TENM3: variants seen among roughly 807,000 people sequenced by gnomAD.
TENM3 encodes teneurin transmembrane protein 3.
A neutral mutation model predicts 255.1 loss-of-function variants in TENM3; 63 were observed. The observed-to-expected ratio is 0.25, with a 90% CI of 0.20 to 0.30. TENM3 has a LOEUF of 0.30. Ranked by LOEUF, TENM3 falls within the 10% of genes least tolerant of loss-of-function variation. TENM3 has a pLI of 1.00. For missense variants in TENM3, 2,929 were observed against 3,461.1 expected (o/e 0.85, Z 3.86); for synonymous variants, 1,306 against 1,322.3 (o/e 0.99, Z 0.27).
the TENM3 span, among the ~76,000 whole-genome samples, chr4:182,020,163 G>A: frequency 0.28 from 42,515 of 151,622 alleles, 6,435 homozygotes; most frequent in Admixed American, 0.36. Flanking sequence ...TCAGGAGTTC[G>A]AGACCAGTCT....
intron 2 of TENM3, among the ~76,000 whole-genome samples, chr4:182,325,235 T>C (rs1311251569): frequency 2.0e-5 from 3 of 152,244 alleles, no homozygotes; most frequent in Non-Finnish European, 2.9e-5. Context: ...AACAGTCTGA[T>C]ATTGGGCAGG....
chr4:182,445,789 T>A (rs1474984764), intron 3 of TENM3, among the ~76,000 whole-genome samples: 1 of 152,172 alleles, frequency 6.6e-6, no homozygotes, highest in African/African-American at 2.4e-5. Context: ...CAACATAAAA[T>A]AGCCACATAA....
At chr4:182,062,377 C>A in the TENM3 span, among the ~76,000 whole-genome samples, 1 of 152,184 alleles carries the variant, frequency 6.6e-6, no homozygotes, top group Admixed American at 6.5e-5. Context: ...GTGAAATGTC[C>A]ATATCTTCTC....
chr4:181,750,442 C>G, the TENM3 span, among the ~76,000 whole-genome samples: 1 of 152,074 alleles, frequency 6.6e-6, no homozygotes, highest in African/African-American at 2.4e-5. Flanking sequence ...CCCTTTTTAG[C>G]CCTTTCTTCT....
the TENM3 span, among the ~76,000 whole-genome samples, chr4:181,533,513 A>G: frequency 6.6e-6 from 1 of 151,952 alleles, no homozygotes; most frequent in African/African-American, 2.4e-5. Context: ...TTGGTTTTCT[A>G]GGTAATAGGC....
At chr4:182,113,005 C>A in the TENM3 span, among the ~76,000 whole-genome samples, 1 of 152,178 alleles carries the variant, frequency 6.6e-6, no homozygotes, top group African/African-American at 2.4e-5. Flanking sequence ...TATTGGCCCT[C>A]CTCATCTGCA....
At chr4:181,502,820 G>A in the TENM3 span, among the ~76,000 whole-genome samples, 1 of 152,166 alleles carries the variant, frequency 6.6e-6, no homozygotes, top group Non-Finnish European at 1.5e-5. Context: ...CCAGCGTCAG[G>A]TAGGTGGCCT....
In TENM3 at chr4:182,417,944, T is replaced by G. The variant is rs115366317; in HGVS notation, c.511+71015T>G. On this transcript the variant is annotated intron_variant, in intron 3 of 27. Coordinates refer to ENST00000511685, the MANE Select transcript of TENM3 (RefSeq NM_001080477.4). The stretch of plus-strand genomic sequence containing the variant: ...GAAGATTTACATTTCAAAAGTTGAA[T>G]TTATGTCTGAAGATTTATGTGTACG... 8.0e-3 allele frequency among the ~76,000 whole-genome samples: 1,225 copies of G among 152,316 alleles called. 15 individuals carry two copies. The highest frequency in any genetic ancestry group is 0.028 in the African/African-American group (1,162 of 41,580).
chr4:182,623,780 C>T (rs1025441797), intron 4 of TENM3, among the ~76,000 whole-genome samples: 1 of 152,160 alleles, frequency 6.6e-6, no homozygotes, highest in East Asian at 1.9e-4. Context: ...TTTTCATGCT[C>T]TCTGTCTTTT....
chr4:181,468,166 C>T, the TENM3 span, among the ~76,000 whole-genome samples: 9 of 148,624 alleles, frequency 6.1e-5, no homozygotes, highest in African/African-American at 1.2e-4. Flanking sequence ...GTGGCGCATG[C>T]CTGCGGTTCC....
chr4:182,381,820 C>G (rs1244931496), intron 3 of TENM3, among the ~76,000 whole-genome samples: 5 of 152,200 alleles, frequency 3.3e-5, no homozygotes, highest in African/African-American at 9.6e-5. Context: ...ATCGGCCTCC[C>G]AAAGTGCTGG....
chr4:182,683,462 T>C (rs1177000647), intron 11 of TENM3, among the ~76,000 whole-genome samples: 2 of 152,174 alleles, frequency 1.3e-5, no homozygotes, highest in Non-Finnish European at 2.9e-5. Flanking sequence ...GCTCCAGGGG[T>C]ATTTATTCTG....
chr4:181,920,515 G>T, the TENM3 span, among the ~76,000 whole-genome samples: 2 of 152,112 alleles, frequency 1.3e-5, no homozygotes, highest in African/African-American at 4.8e-5. Context: ...TGTGTTTTTT[G>T]GCTGCATAAA....
At chr4:182,778,743 T>A (rs973915898) in intron 24 of TENM3, among the ~76,000 whole-genome samples, 2 of 150,742 alleles carry the variant, frequency 1.3e-5, no homozygotes, top group Non-Finnish European at 3.0e-5. Context: ...ACATGATCTT[T>A]GAAAATGGAG....
intron 6 of TENM3, among the ~76,000 whole-genome samples, chr4:182,668,001 C>A (rs1024935433): frequency 2.6e-5 from 4 of 151,986 alleles, no homozygotes. Context: ...GAAAAGCATT[C>A]TTTGACAGTA....
intron 3 of TENM3, among the ~76,000 whole-genome samples, chr4:182,590,133 A>G (rs1012102277): frequency 6.6e-6 from 1 of 152,154 alleles, no homozygotes; most frequent in Non-Finnish European, 1.5e-5. Flanking sequence ...TTCCAATCCC[A>G]GGGAGGCCCA....
At chr4:181,805,297 G>A in the TENM3 span, among the ~76,000 whole-genome samples, 4 of 151,848 alleles carry the variant, frequency 2.6e-5, no homozygotes, top group African/African-American at 7.3e-5. Context: ...CCTGTGACCC[G>A]TCCACGTGCT....
intron 1 of TENM3, among the ~76,000 whole-genome samples, chr4:182,254,383 T>G (rs1323737403): frequency 2.0e-5 from 3 of 151,976 alleles, no homozygotes; most frequent in Non-Finnish European, 4.4e-5. Flanking sequence ...GAAAAGAAAT[T>G]CTCATTTAAA....
At chr4:181,748,050 G>A in the TENM3 span, among the ~76,000 whole-genome samples, 1 of 151,958 alleles carries the variant, frequency 6.6e-6, no homozygotes, top group South Asian at 2.1e-4. Context: ...GTAGAGGACA[G>A]GAGTAAGTGC....
Sources: allele counts gnomAD v4.1 joint callset (sites outside exome capture counted in the v4.1 genomes callset), GRCh38; gene constraint gnomAD v4.1.1; transcripts MANE v1.5; gene names NCBI Gene and HGNC (gene_info 2026-07-23, HGNC 2026-07-21).